TBC1D4: variants seen among roughly 807,000 people sequenced by gnomAD.
TBC1D4 encodes TBC1 domain family member 4, also known as TBC (Tre-2, BUB2, CDC16) domain-containing protein.
A neutral mutation model predicts 142.5 loss-of-function variants in TBC1D4; 121 were observed. That is an observed-to-expected ratio of 0.85 (90% CI 0.73 to 0.99). The LOEUF (loss-of-function observed/expected upper bound fraction) is 0.99, where lower values mean the gene tolerates loss of function less well. TBC1D4 is among the 50% of genes least tolerant of loss of function. The probability of loss-of-function intolerance (pLI) is 0.00; values close to 1 mark genes in which losing one functional copy is unlikely to be tolerated. For synonymous variants in TBC1D4, 630 were observed against 628.2 expected (o/e 1.00, Z -0.04); for missense variants, 1,475 against 1,606.6 (o/e 0.92, Z 1.40).
At chr13:75,319,034 A>T (rs1027002981) in intron 12 of TBC1D4, among the ~76,000 whole-genome samples, 3 of 152,174 alleles carry the variant, frequency 2.0e-5, no homozygotes, top group Admixed American at 6.5e-5. Context: ...CTAATTCCAT[A>T]CCTAAAAGGA....
intron 1 of TBC1D4, among the ~76,000 whole-genome samples, chr13:75,409,531 C>A (rs796955215): frequency 6.6e-6 from 1 of 152,092 alleles, no homozygotes; most frequent in Non-Finnish European, 1.5e-5. Context: ...TTCAAAATAC[C>A]CTGGCTAACA....
intron 1 of TBC1D4, among the ~76,000 whole-genome samples, chr13:75,412,689 G>T (rs546386579): frequency 3.9e-4 from 60 of 152,160 alleles, no homozygotes; most frequent in African/African-American, 1.4e-3. Flanking sequence ...CAAACAAAAA[G>T]GAAATGAAGT....
chr13:75,472,351 G>A (rs1443584963), intron 1 of TBC1D4, among the ~76,000 whole-genome samples: 2 of 152,048 alleles, frequency 1.3e-5, no homozygotes, highest in African/African-American at 2.4e-5. Flanking sequence ...CCTGGGAGGC[G>A]GAGGTTGCAG....
In TBC1D4 at chr13:75,481,816, C is replaced by G; in HGVS notation, c.-49G>C. 7.0e-7 allele frequency: 1 copy of G among 1,438,846 alleles called. No homozygotes were observed. Among genetic ancestry groups the G allele is most frequent in the African/African-American group, 1.5e-5 (1 of 66,642 alleles). 89.1% of individuals were successfully genotyped at this position (1,438,846 alleles called of 1,614,324 possible). On this transcript the variant is annotated 5_prime_UTR_variant, in exon 1 of 21. Coordinates refer to ENST00000377636, the MANE Select transcript of TBC1D4 (RefSeq NM_014832.5). ...GCGGAGGCCGGCCGGGCGCACCGCG[C>G]CCCCCACTCCCGCGCAGAAGGCGCC...
chr13:75,294,172 T>C (rs532374951), intron 18 of TBC1D4, among the ~76,000 whole-genome samples: 25 of 152,314 alleles, frequency 1.6e-4, no homozygotes, highest in Non-Finnish European at 3.2e-4. Context: ...TGTGAATAGA[T>C]TTAAGGGCCT....
chr13:75,465,028 T>C (rs796648453), intron 1 of TBC1D4, among the ~76,000 whole-genome samples: 3 of 152,210 alleles, frequency 2.0e-5, no homozygotes, highest in South Asian at 4.1e-4. Flanking sequence ...CATATGGTAC[T>C]GTTCTGAGTG....
At chr13:75,372,709 T>C (rs1470736746) in intron 1 of TBC1D4, among the ~76,000 whole-genome samples, 1 of 152,100 alleles carries the variant, frequency 6.6e-6, no homozygotes, top group Non-Finnish European at 1.5e-5. Context: ...GAGAAAAAAA[T>C]GCTCCCACTG....
At chr13:75,337,189 A>C in intron 7 of TBC1D4, 149 bp from the exon 8 acceptor site, 1 of 690,790 alleles carries the variant, frequency 1.4e-6, no homozygotes, top group East Asian at 2.6e-5. Context: ...CCACACTGTG[A>C]ACATAATGCT....
At chr13:75,291,919 A>AT (rs1875348378) in intron 19 of TBC1D4, among the ~76,000 whole-genome samples, 183 bp downstream of exon 19, 4 of 152,172 alleles carry the variant, frequency 2.6e-5, no homozygotes, top group Admixed American at 2.0e-4. Context: ...ACTAAACAGC[A>AT]TTTTTTGTGC....
intron 4 of TBC1D4, among the ~76,000 whole-genome samples, chr13:75,354,983 ACC>A (rs1329552538): frequency 6.6e-6 from 1 of 152,050 alleles, no homozygotes; most frequent in Non-Finnish European, 1.5e-5. Flanking sequence ...CTCAAATGGA[ACC>A]CTCTAGAATA....
rs553777972 is a variant in TBC1D4, at chr13:75,428,720, T to C, written c.498+52550A>G. 3.3e-5 allele frequency among the ~76,000 whole-genome samples: 5 copies of C among 152,338 alleles called. No individual in the cohort carries two copies. In the South Asian group the frequency reaches 8.3e-4, roughly 25 times the overall value. The stretch of plus-strand genomic sequence containing the variant: ...TGATCATTTTGAAATGGAATCACTC[T>C]TCATCTGAAGCAACATTGCAAAAGT... On this transcript the variant is annotated intron_variant, in intron 1 of 20. Coordinates refer to ENST00000377636, the MANE Select transcript of TBC1D4 (RefSeq NM_014832.5).
At chr13:75,356,276 T>C (rs964047621) in intron 3 of TBC1D4, 25 bp from the exon 4 acceptor site, 1 of 1,457,626 alleles carries the variant, frequency 6.9e-7, no homozygotes, top group Non-Finnish European at 9.6e-7. Context: ...AGAAGTGCAA[T>C]AAAAATGTAT....
At chr13:75,380,031 AAGTGTCCC>A in intron 1 of TBC1D4, among the ~76,000 whole-genome samples, 1 of 150,688 alleles carries the variant, frequency 6.6e-6, no homozygotes, top group East Asian at 2.0e-4. Context: ...TCAACCTCCG[AAGTGTCCC>A]AGTTAACCTT....
At chr13:75,408,444 T>C (rs1885444645) in intron 1 of TBC1D4, among the ~76,000 whole-genome samples, 1 of 152,178 alleles carries the variant, frequency 6.6e-6, no homozygotes, top group African/African-American at 2.4e-5. Flanking sequence ...TTGGTATAAA[T>C]CTAGGGGGTA....
At chr13:75,452,810 T>C (rs192739551) in intron 1 of TBC1D4, among the ~76,000 whole-genome samples, 68 of 152,238 alleles carry the variant, frequency 4.5e-4, no homozygotes, top group African/African-American at 1.6e-3. Flanking sequence ...TTAGGTGTGG[T>C]GACATAGACA....
rs11366604 is a variant in TBC1D4, at chr13:75,380,537, A to AT, written c.499-17931dup. Among the ~76,000 whole-genome samples the AT allele has an allele frequency of 3.4e-3, 508 of 148,554 alleles. 9 individuals carry two copies. The highest frequency in any genetic ancestry group is 0.012 in the African/African-American group (468 of 40,432). ...CTAGAACGGTAATGAACTAGATAAG[A>AT]TTTTTTTTTTTTTAATCTTCAAGGC... On this transcript the variant is annotated intron_variant, in intron 1 of 20. Transcript: ENST00000377636.
intron 15 of TBC1D4, among the ~76,000 whole-genome samples, chr13:75,304,111 C>A (rs1016298058): frequency 3.3e-5 from 5 of 152,168 alleles, no homozygotes; most frequent in Admixed American, 3.3e-4. Flanking sequence ...ATTTTCATCT[C>A]TGTATGATAA....
chr13:75,357,967 C>G (rs866751265), intron 3 of TBC1D4, among the ~76,000 whole-genome samples: 1 of 150,912 alleles, frequency 6.6e-6, no homozygotes, highest in Non-Finnish European at 1.5e-5. Context: ...TCTGAACTTC[C>G]AATTTTTGGT....
intron 1 of TBC1D4, among the ~76,000 whole-genome samples, chr13:75,371,753 A>G (rs1434888968): frequency 6.6e-6 from 1 of 152,170 alleles, no homozygotes; most frequent in Non-Finnish European, 1.5e-5. Flanking sequence ...TGCCCCTGTA[A>G]AATGAACCCA....
Sources: gnomAD v4.1 joint callset for allele counts (sites outside exome capture counted in the v4.1 genomes callset) on GRCh38, gnomAD v4.1.1 for gene constraint, MANE v1.5 for transcripts, NCBI Gene and HGNC (gene_info 2026-07-23, HGNC 2026-07-21) for gene names.